Variants in RGS21 observed in about 807,000 individuals in gnomAD.
RGS21 encodes the protein regulator of G protein signaling 21.
In RGS21, 19 loss-of-function variants were observed where a neutral mutation model predicts 18.7. The ratio of observed to expected loss-of-function variants is 1.01; its 90% CI spans 0.71 to 1.49. The LOEUF (loss-of-function observed/expected upper bound fraction) is 1.49. RGS21 is among the 40% of genes most tolerant of loss of function. The probability of loss-of-function intolerance (pLI) is 0.00; values close to 1 mark genes in which losing one functional copy is unlikely to be tolerated. For synonymous variants in RGS21, 56 were observed against 57.8 expected, an observed-to-expected ratio of 0.97 and a Z score of 0.14; for missense variants, 194 against 176.8, an observed-to-expected ratio of 1.10 and a Z score of -0.55.
At chr1:192,317,285 A>T (rs1433782376) in intron 1 of RGS21, among the ~76,000 whole-genome samples, 180 bp downstream of exon 1, 2 of 151,948 alleles carry the variant, frequency 1.3e-5, no homozygotes, top group Non-Finnish European at 2.9e-5. Context: ...GCAGAAAATA[A>T]TATATTATCA....
chr1:192,344,907 G>A (rs1658925175), intron 2 of RGS21, among the ~76,000 whole-genome samples: 2 of 151,992 alleles, frequency 1.3e-5, no homozygotes, highest in African/African-American at 2.4e-5. Flanking sequence ...ATTAATACTA[G>A]GATATACCCA....
chr1:192,365,312 A>G (rs1659239095), intron 4 of RGS21, among the ~76,000 whole-genome samples: 1 of 152,170 alleles, frequency 6.6e-6, no homozygotes, highest in African/African-American at 2.4e-5. Context: ...GTGTTTCAAT[A>G]TAATAGATCT....
At chr1:192,352,235 A>C in intron 4 of RGS21, 22 bp downstream of exon 4, 1 of 1,555,312 alleles carries the variant, frequency 6.4e-7, no homozygotes, top group Non-Finnish European at 8.7e-7. Context: ...ACTTCAGAAC[A>C]GTGAAGAGTC....
At position 192,366,246 on chromosome 1, in the gene RGS21, G is replaced by C; in HGVS notation, c.*122G>C. On this transcript the variant is annotated 3_prime_UTR_variant, in exon 5 of 5. Transcript: ENST00000417209. The stretch of plus-strand genomic sequence containing the variant: ...GAAAACATTTTTTACCCAAACAGAT[G>C]AATAACGTTTTATACAACAAGCCTG... 1.5e-6 allele frequency: 1 copy of C among 657,708 alleles called. No homozygotes were observed. Among genetic ancestry groups the C allele is most frequent in the East Asian group, 2.8e-5 (1 of 36,114 alleles). The allele number at this position is 657,708 out of a possible 1,614,324, so 40.7% of individuals were successfully genotyped here.
intron 1 of RGS21, among the ~76,000 whole-genome samples, chr1:192,317,965 A>T (rs1658442824): frequency 6.6e-6 from 1 of 152,088 alleles, no homozygotes; most frequent in Admixed American, 6.6e-5. Flanking sequence ...GGCATTTACT[A>T]GTACATGTAT....
intron 4 of RGS21, among the ~76,000 whole-genome samples, chr1:192,353,693 AAT>A (rs1259915123): frequency 1.3e-5 from 2 of 151,718 alleles, no homozygotes; most frequent in African/African-American, 2.4e-5. Context: ...ATTTTGATAA[AAT>A]AGTTTTATTT....
intron 1 of RGS21, among the ~76,000 whole-genome samples, chr1:192,323,413 G>C (rs565689757): frequency 6.6e-6 from 1 of 152,064 alleles, no homozygotes; most frequent in African/African-American, 2.4e-5. Context: ...TTGCAGGCAC[G>C]TTAGGCAAAA....
At chr1:192,317,219 C>A (rs777035818) in intron 1 of RGS21, 114 bp downstream of exon 1, 3 of 151,672 alleles carry the variant, frequency 2.0e-5, no homozygotes, top group African/African-American at 4.8e-5. Flanking sequence ...TCAAACTCAG[C>A]GAGTTTGGAA....
chr1:192,361,861 T>G (rs894910092), intron 4 of RGS21, among the ~76,000 whole-genome samples: 8 of 152,102 alleles, frequency 5.3e-5, no homozygotes, highest in African/African-American at 1.9e-4. Context: ...TTCTGGAGAT[T>G]TTTAAACCAA....
chr1:192,324,990 C>T (rs550651968), intron 1 of RGS21, among the ~76,000 whole-genome samples: 7 of 152,138 alleles, frequency 4.6e-5, no homozygotes, highest in East Asian at 3.9e-4. Flanking sequence ...CTCTTCTCTC[C>T]GTTTTTAATT....
At chr1:192,337,285 C>T (rs901429713) in intron 1 of RGS21, among the ~76,000 whole-genome samples, 2 of 152,124 alleles carry the variant, frequency 1.3e-5, no homozygotes, top group Middle Eastern at 3.4e-3. Context: ...CAACATTCCA[C>T]TACCCAGACT....
intron 1 of RGS21, among the ~76,000 whole-genome samples, chr1:192,330,670 T>A (rs1274443207): frequency 6.6e-6 from 1 of 152,192 alleles, no homozygotes; most frequent in East Asian, 1.9e-4. Flanking sequence ...AGAGACGCAT[T>A]AATCACTAAG....
intron 1 of RGS21, among the ~76,000 whole-genome samples, chr1:192,335,441 G>GT (rs1052115225): frequency 6.6e-6 from 1 of 151,916 alleles, no homozygotes; most frequent in Non-Finnish European, 1.5e-5. Flanking sequence ...CTCATTTTTG[G>GT]TTACTCATTT....
chr1:192,350,119 C>G (rs967754574), intron 3 of RGS21, among the ~76,000 whole-genome samples: 1 of 152,054 alleles, frequency 6.6e-6, no homozygotes, highest in African/African-American at 2.4e-5. Context: ...GAGCAAGGAA[C>G]GTGAAGTTAA....
At chr1:192,357,250 G>A (rs1659124777) in intron 4 of RGS21, among the ~76,000 whole-genome samples, 2 of 151,600 alleles carry the variant, frequency 1.3e-5, no homozygotes, top group African/African-American at 4.8e-5. Context: ...GAAGAGCCAA[G>A]CAAAGGACTA....
At chr1:192,325,530 C>G (rs976758892) in intron 1 of RGS21, among the ~76,000 whole-genome samples, 1 of 152,030 alleles carries the variant, frequency 6.6e-6, no homozygotes, top group African/African-American at 2.4e-5. Context: ...GAGAAATCTC[C>G]AAACTGCATG....
At chr1:192,351,484 A>T (rs1659039256) in intron 3 of RGS21, among the ~76,000 whole-genome samples, 1 of 151,966 alleles carries the variant, frequency 6.6e-6, no homozygotes, top group South Asian at 2.1e-4. Flanking sequence ...TAACATAATT[A>T]ATTTGACCTG....
chr1:192,334,621 A>T (rs1002432157), intron 1 of RGS21, among the ~76,000 whole-genome samples: 22 of 152,250 alleles, frequency 1.4e-4, no homozygotes, highest in Admixed American at 2.6e-4. Flanking sequence ...AAACACAGAA[A>T]AACACAGATG....
chr1:192,356,929 C>T (rs2102236640), intron 4 of RGS21, among the ~76,000 whole-genome samples: 1 of 151,818 alleles, frequency 6.6e-6, no homozygotes, highest in Admixed American at 6.6e-5. Context: ...TTAATCAATA[C>T]TTGAATACTT....
Sources: gnomAD v4.1 joint callset for allele counts (sites outside exome capture counted in the v4.1 genomes callset) on GRCh38, gnomAD v4.1.1 for gene constraint, MANE v1.5 for transcripts, NCBI Gene and HGNC (gene_info 2026-07-23, HGNC 2026-07-21) for gene names.